Variants in UNC13C observed in about 807,000 individuals in gnomAD.
UNC13C encodes the protein protein unc-13 homolog C.
UNC13C carries 174 observed loss-of-function variants against 245.4 expected under a neutral mutation model. The observed-to-expected ratio is 0.71, with a 90% CI of 0.63 to 0.80. UNC13C has a LOEUF of 0.80. Ranked by LOEUF, UNC13C falls within the 30% of genes least tolerant of loss-of-function variation. UNC13C has a pLI of 0.00. For missense variants in UNC13C, 2,829 were observed against 2,602.9 expected (o/e 1.09, Z -1.89); for synonymous variants, 992 against 895.1 (o/e 1.11, Z -1.93).
chr15:54,425,115 T>C (rs2040733034), intron 19 of UNC13C, among the ~76,000 whole-genome samples: 1 of 151,774 alleles, frequency 6.6e-6, no homozygotes, highest in African/African-American at 2.4e-5. Flanking sequence ...TGAGTGACAT[T>C]AGGATATAGT....
At chr15:53,893,115 G>A in the UNC13C span, among the ~76,000 whole-genome samples, 1 of 152,178 alleles carries the variant, frequency 6.6e-6, no homozygotes, top group South Asian at 2.1e-4. Context: ...AGGCTCCTCT[G>A]CTGAAGATCT....
At chr15:54,601,908 G>A (rs1174959251) in intron 30 of UNC13C, among the ~76,000 whole-genome samples, 5 of 152,240 alleles carry the variant, frequency 3.3e-5, no homozygotes, top group South Asian at 4.1e-4. Flanking sequence ...GCAATCTGTC[G>A]TAGTGATTTC....
chr15:54,455,195 CTCTCTCTCTCTATATATA>C (rs1567288888), intron 19 of UNC13C, among the ~76,000 whole-genome samples: 4 of 46,698 alleles, frequency 8.6e-5, no homozygotes, highest in African/African-American at 2.8e-4. Flanking sequence ...CTCTCTCTCT[CTCTCTCTCTCTATATATA>C]TATATATATA....
At position 54,282,591 on chromosome 15, in the gene UNC13C, G is replaced by T. The variant is rs1596141111; in HGVS notation, c.3819-11304G>T. Among the ~76,000 whole-genome samples the T allele has an allele frequency of 2.0e-5, 3 of 152,132 alleles. No individual in the cohort carries two copies. The East Asian group carries it at 5.8e-4, about 29-fold the overall frequency. On this transcript the variant is annotated intron_variant, in intron 10 of 32. Coordinates refer to ENST00000260323, the MANE Select transcript of UNC13C (RefSeq NM_001080534.3). ...TGCTTCTTTACTTTTGTTGTCCATG[G>T]ATGGTGGTGTGTTAGCAGCTCAGTT...
intron 17 of UNC13C, among the ~76,000 whole-genome samples, chr15:54,371,247 T>A (rs1040852091): frequency 1.3e-5 from 2 of 152,200 alleles, no homozygotes; most frequent in Admixed American, 6.5e-5. Context: ...AGAGATCAAC[T>A]TTTTTAGATT....
rs575316615 is a variant in UNC13C, at chr15:54,001,070, C to T, written c.-256-11578C>T. The stretch of plus-strand genomic sequence containing the variant: ...AAGATAACCCTTTTCCTCTTCCACC[C>T]TACTAACATTTAGGTCAAGTTCTGT... On this transcript the variant is annotated intron_variant, in intron 1 of 32. Transcript: ENST00000260323. Among the ~76,000 whole-genome samples the T allele has an allele frequency of 2.2e-4, 33 of 152,250 alleles. 1 individual carries two copies. The South Asian group carries it at 6.6e-3, about 31-fold the overall frequency.
chr15:54,135,784 C>A (rs758938009), intron 2 of UNC13C, among the ~76,000 whole-genome samples: 2 of 152,090 alleles, frequency 1.3e-5, no homozygotes, highest in Non-Finnish European at 2.9e-5. Flanking sequence ...CTATTCAGGG[C>A]TTTTTTATGA....
At chr15:54,522,443 A>G (rs188733265) in intron 24 of UNC13C, among the ~76,000 whole-genome samples, 2 of 152,208 alleles carry the variant, frequency 1.3e-5, no homozygotes, top group East Asian at 3.9e-4. Context: ...GGGCCACTGC[A>G]CTCCAGCCTG....
chr15:54,336,985 T>C (rs2038594238), intron 16 of UNC13C, among the ~76,000 whole-genome samples: 2 of 152,178 alleles, frequency 1.3e-5, no homozygotes, highest in Non-Finnish European at 2.9e-5. Flanking sequence ...GCCTTTCATC[T>C]ATAGATAAAT....
intron 18 of UNC13C, among the ~76,000 whole-genome samples, chr15:54,410,522 A>G (rs185375186): frequency 3.3e-4 from 50 of 151,766 alleles, no homozygotes; most frequent in African/African-American, 1.1e-3. Context: ...TCTTTAATTC[A>G]TCTTGAGTTG....
the UNC13C span, among the ~76,000 whole-genome samples, chr15:53,866,101 G>A: frequency 4.9e-4 from 75 of 152,176 alleles, no homozygotes; most frequent in Non-Finnish European, 4.9e-4. Flanking sequence ...TGGTAAACAG[G>A]GATAGTAGAG....
intron 26 of UNC13C, among the ~76,000 whole-genome samples, chr15:54,535,240 GGCTTTTA>G (rs1332124182): frequency 6.6e-6 from 1 of 151,896 alleles, no homozygotes; most frequent in East Asian, 1.9e-4. Context: ...AGACAAAATA[GGCTTTTA>G]ACAAACAATG....
intron 26 of UNC13C, among the ~76,000 whole-genome samples, chr15:54,541,214 T>G (rs1188563588): frequency 6.6e-6 from 1 of 152,108 alleles, no homozygotes; most frequent in Non-Finnish European, 1.5e-5. Context: ...AAATGTGTCT[T>G]GAAAATCTCT....
At position 54,052,932 on chromosome 15, in the gene UNC13C, C is replaced by CCACAATTA. The variant is rs1897334348; in HGVS notation, c.2983+37048_2983+37055dup. Among the ~76,000 whole-genome samples the CCACAATTA allele has an allele frequency of 2.0e-5, 3 of 152,268 alleles. No individual in the cohort carries two copies. The South Asian group carries it at 6.2e-4, about 32-fold the overall frequency. The stretch of plus-strand genomic sequence containing the variant: ...TTAGGTTGGTTGTAATGGCAAAAAT[C>CCACAATTA]CACAATTACTTTGCACCAACTTAAT... On this transcript the variant is annotated intron_variant, in intron 2 of 32. Transcript: ENST00000260323.
chr15:53,893,349 A>G, the UNC13C span, among the ~76,000 whole-genome samples: 1 of 152,168 alleles, frequency 6.6e-6, no homozygotes, highest in Non-Finnish European at 1.5e-5. Context: ...CCACTTGAGG[A>G]GGCATTCTGA....
intron 17 of UNC13C, among the ~76,000 whole-genome samples, chr15:54,380,674 T>A (rs887873618): frequency 6.6e-6 from 1 of 152,116 alleles, no homozygotes; most frequent in African/African-American, 2.4e-5. Context: ...AAGGTGATAT[T>A]TCATTGTGGT....
chr15:54,396,031 A>G (rs1187470985), intron 18 of UNC13C, among the ~76,000 whole-genome samples: 2 of 151,718 alleles, frequency 1.3e-5, no homozygotes, highest in Admixed American at 6.6e-5. Flanking sequence ...AATAGTATTA[A>G]GCAGAGTACT....
At chr15:54,451,716 C>T (rs1459717491) in intron 19 of UNC13C, among the ~76,000 whole-genome samples, 1 of 151,946 alleles carries the variant, frequency 6.6e-6, no homozygotes, top group South Asian at 2.1e-4. Flanking sequence ...TCCTTACTGA[C>T]CTTATTTAAT....
At chr15:54,102,745 C>T (rs1450922045) in intron 2 of UNC13C, among the ~76,000 whole-genome samples, 2 of 152,208 alleles carry the variant, frequency 1.3e-5, no homozygotes, top group East Asian at 3.8e-4. Flanking sequence ...CTGCGTCTCT[C>T]TTTAGCCATA....
Sources: allele counts gnomAD v4.1 joint callset (sites outside exome capture counted in the v4.1 genomes callset), GRCh38; gene constraint gnomAD v4.1.1; transcripts MANE v1.5; gene names NCBI Gene and HGNC (gene_info 2026-07-23, HGNC 2026-07-21).